SGK1: variants seen among roughly 807,000 people sequenced by gnomAD.
SGK1 encodes the protein serine/threonine-protein kinase Sgk1.
Under a neutral mutation model 64.2 loss-of-function variants are expected in SGK1, and 26 were observed. The ratio of observed to expected loss-of-function variants is 0.40; its 90% CI spans 0.30 to 0.56. The LOEUF (loss-of-function observed/expected upper bound fraction) is 0.56. Among genes scored for constraint, SGK1 ranks in the 20% least tolerant of loss-of-function variants. The probability of loss-of-function intolerance (pLI) is 0.38; values close to 1 mark genes in which losing one functional copy is unlikely to be tolerated. For missense variants in SGK1, 519 were observed against 645.6 expected, an observed-to-expected ratio of 0.80 and a Z score of 2.12; for synonymous variants, 265 against 239.7, an observed-to-expected ratio of 1.11 and a Z score of -0.98.
chr6:134,257,612 A>G (rs1776704638), intron 2 of SGK1, among the ~76,000 whole-genome samples: 1 of 152,052 alleles, frequency 6.6e-6, no homozygotes, highest in Non-Finnish European at 1.5e-5. Flanking sequence ...AGGTCATTAA[A>G]TGCCAAGCAT....
intron 1 of SGK1, among the ~76,000 whole-genome samples, chr6:134,310,315 G>A (rs115365777): frequency 0.02 from 3,080 of 152,280 alleles, 110 homozygotes; most frequent in African/African-American, 0.071. Context: ...CTTGAGAGCT[G>A]CTGGGGAGGC....
At chr6:134,186,712 G>C (rs1202883955) in intron 3 of SGK1, among the ~76,000 whole-genome samples, 3 of 152,156 alleles carry the variant, frequency 2.0e-5, no homozygotes, top group Non-Finnish European at 4.4e-5. Flanking sequence ...GACTTACTCA[G>C]ATTGAGTTGT....
At chr6:134,203,950 G>A (rs1012679772) in intron 3 of SGK1, among the ~76,000 whole-genome samples, 41 of 151,876 alleles carry the variant, frequency 2.7e-4, no homozygotes, top group Non-Finnish European at 5.3e-4. Context: ...TGTAATCCCA[G>A]TTACTCAGGA....
At chr6:134,269,657 C>CAA (rs774346061) in intron 1 of SGK1, among the ~76,000 whole-genome samples, 12 of 101,694 alleles carry the variant, frequency 1.2e-4, no homozygotes, top group Non-Finnish European at 2.1e-4. Context: ...GACTCTGTCT[C>CAA]AAAAAAAAAA....
intron 11 of SGK1, 116 bp downstream of exon 11, chr6:134,171,521 A>ATT: frequency 1.4e-6 from 1 of 696,878 alleles, no homozygotes; most frequent in Non-Finnish European, 2.5e-6. Context: ...TATGCCTCTT[A>ATT]GCTGCTTTTG....
intron 1 of SGK1, among the ~76,000 whole-genome samples, chr6:134,265,871 G>A (rs1215287053): frequency 1.3e-5 from 2 of 151,612 alleles, no homozygotes; most frequent in South Asian, 2.1e-4. Flanking sequence ...GAACTCCTGG[G>A]CTCAAGTGTT....
chr6:134,227,169 C>G (rs961345691), intron 2 of SGK1, among the ~76,000 whole-genome samples: 1 of 152,088 alleles, frequency 6.6e-6, no homozygotes, highest in Non-Finnish European at 1.5e-5. Context: ...CTCACTCACT[C>G]TGTCACCCAG....
At chr6:134,221,475 G>T (rs1776089697) in intron 2 of SGK1, among the ~76,000 whole-genome samples, 1 of 152,032 alleles carries the variant, frequency 6.6e-6, no homozygotes, top group Non-Finnish European at 1.5e-5. Context: ...TATCTGCTCA[G>T]CTGGCACCTT....
At chr6:134,277,524 G>T (rs1777034970) in intron 1 of SGK1, among the ~76,000 whole-genome samples, 1 of 152,170 alleles carries the variant, frequency 6.6e-6, no homozygotes, top group Non-Finnish European at 1.5e-5. Flanking sequence ...GACCCAGGCA[G>T]GTGTGAGAGG....
intron 2 of SGK1, among the ~76,000 whole-genome samples, chr6:134,221,433 T>C (rs573769054): frequency 3.9e-5 from 6 of 152,338 alleles, no homozygotes; most frequent in Admixed American, 1.3e-4. Flanking sequence ...GTTCTTTGCC[T>C]AGCCTTCCAC....
At chr6:134,198,841 T>C (rs1451073471) in intron 3 of SGK1, among the ~76,000 whole-genome samples, 1 of 150,372 alleles carries the variant, frequency 6.7e-6, no homozygotes, top group Admixed American at 6.7e-5. Flanking sequence ...TAGTGATTCC[T>C]AAGTCCCCAG....
At chr6:134,217,129 C>T (rs892042667) in intron 2 of SGK1, among the ~76,000 whole-genome samples, 3 of 152,096 alleles carry the variant, frequency 2.0e-5, no homozygotes, top group Admixed American at 6.6e-5. Context: ...TGACAGAGCA[C>T]GAACTCACAT....
intron 1 of SGK1, among the ~76,000 whole-genome samples, chr6:134,298,958 G>A (rs1582772229): frequency 6.6e-6 from 1 of 151,812 alleles, no homozygotes; most frequent in East Asian, 1.9e-4. Flanking sequence ...GCACTACCAT[G>A]CCCAGCTAAT....
chr6:134,279,727 A>G (rs2114768417), intron 1 of SGK1, among the ~76,000 whole-genome samples: 1 of 152,306 alleles, frequency 6.6e-6, no homozygotes, highest in East Asian at 1.9e-4. Flanking sequence ...ATTTATAGGA[A>G]CTTCTGATTA....
intron 2 of SGK1, among the ~76,000 whole-genome samples, chr6:134,222,616 G>A (rs190210437): frequency 1.6e-3 from 238 of 152,224 alleles, no homozygotes; most frequent in African/African-American, 5.3e-3. Flanking sequence ...GATTACAGGC[G>A]TGAGCCACCA....
intron 1 of SGK1, among the ~76,000 whole-genome samples, chr6:134,306,935 A>G (rs993392520): frequency 1.3e-5 from 2 of 151,548 alleles, no homozygotes; most frequent in South Asian, 4.2e-4. Flanking sequence ...GAATTTCAAC[A>G]CTAATTCTGA....
intron 2 of SGK1, among the ~76,000 whole-genome samples, chr6:134,231,394 AAAT>A (rs1473572092): frequency 3.9e-5 from 6 of 152,258 alleles, no homozygotes; most frequent in African/African-American, 1.4e-4. Flanking sequence ...TGCAGTGTGA[AAAT>A]AAAATGATAT....
At chr6:134,197,028 T>A (rs554512923) in intron 3 of SGK1, among the ~76,000 whole-genome samples, 1 of 151,958 alleles carries the variant, frequency 6.6e-6, no homozygotes, top group African/African-American at 2.4e-5. Context: ...AGCTTAGGAG[T>A]TTGGGACCAG....
Position 134,283,474 on chromosome 6 carries a change from G to C in SGK1, c.70-21326C>G, listed in dbSNP as rs141870870. Among the ~76,000 whole-genome samples the C allele has an allele frequency of 2.6e-3, 389 of 151,670 alleles. 3 individuals are homozygous for C. Among genetic ancestry groups the C allele is most frequent in the African/African-American group, 8.7e-3 (361 of 41,262 alleles). On this transcript the variant is annotated intron_variant, in intron 1 of 13. Coordinates refer to ENST00000367858, the MANE Select transcript of SGK1 (RefSeq NM_001143676.3). ...CCACTGGACTGCAGCCTCAGTGGCA[G>C]AGTGAAACTCTGCCTTAAAAAAAAA... is the stretch of plus-strand genomic sequence containing the variant.
Sources: gnomAD v4.1 joint callset for allele counts (sites outside exome capture counted in the v4.1 genomes callset) on GRCh38, gnomAD v4.1.1 for gene constraint, MANE v1.5 for transcripts, NCBI Gene and HGNC (gene_info 2026-07-23, HGNC 2026-07-21) for gene names.